TSHZ3: variants seen among roughly 807,000 people sequenced by gnomAD.
TSHZ3 encodes teashirt homolog 3.
TSHZ3 carries 10 observed loss-of-function variants against 64.5 expected under a neutral mutation model. The ratio of observed to expected loss-of-function variants is 0.16; its 90% CI spans 0.10 to 0.26. TSHZ3 has a LOEUF of 0.26. TSHZ3 is among the 10% of genes least tolerant of loss of function. TSHZ3 has a pLI of 1.00. For synonymous variants in TSHZ3, 608 were observed against 593.1 expected (o/e 1.03, Z -0.36); for missense variants, 1,242 against 1,421.7 (o/e 0.87, Z 2.03).
At chr19:31,205,014 G>A (rs912145837) in exon 5 of TSHZ3, 1 of 152,302 alleles carries the variant, frequency 6.6e-6, no homozygotes, top group Non-Finnish European at 1.5e-5. Flanking sequence ...ATGCTTTGAG[G>A]ATGGAACTTG....
upstream of TSHZ3, chr19:31,349,468 G>A: frequency 2.6e-6 from 1 of 381,140 alleles, no homozygotes; most frequent in Non-Finnish European, 4.6e-6. Flanking sequence ...GGGGAGGGAG[G>A]AGCACGGGGG....
At chr19:31,303,884 T>C (rs1489270026) in intron 1 of TSHZ3, among the ~76,000 whole-genome samples, 3 of 152,152 alleles carry the variant, frequency 2.0e-5, no homozygotes, top group Non-Finnish European at 4.4e-5. Context: ...ACATGGATCC[T>C]GACTAGGGCC....
intron 5 of TSHZ3, among the ~76,000 whole-genome samples, chr19:31,158,572 C>T (rs578003758): frequency 3.3e-5 from 5 of 152,094 alleles, no homozygotes; most frequent in Admixed American, 1.3e-4. Context: ...AAGGTTTCCA[C>T]GAGCCAGAGT....
intron 5 of TSHZ3, among the ~76,000 whole-genome samples, chr19:31,173,015 C>T (rs1442624542): frequency 6.6e-6 from 1 of 152,172 alleles, no homozygotes; most frequent in Non-Finnish European, 1.5e-5. Context: ...ACCATAAGGG[C>T]TCTAGCTCAT....
chr19:31,281,356 C>T (rs1976358624), intron 1 of TSHZ3, among the ~76,000 whole-genome samples: 1 of 152,172 alleles, frequency 6.6e-6, no homozygotes, highest in Admixed American at 6.5e-5. Flanking sequence ...CTTTGAGTGC[C>T]AAGATTCCTA....
chr19:31,334,152 A>G (rs1917174797), intron 1 of TSHZ3, among the ~76,000 whole-genome samples: 1 of 152,100 alleles, frequency 6.6e-6, no homozygotes. Flanking sequence ...CTCGGTAGGA[A>G]CCTCCGTCAC....
At chr19:31,280,611 A>G (rs566576275) in intron 1 of TSHZ3, among the ~76,000 whole-genome samples, 12 of 152,354 alleles carry the variant, frequency 7.9e-5, no homozygotes, top group African/African-American at 2.6e-4. Flanking sequence ...AAGACCTTCC[A>G]GTGGACCTTA....
In TSHZ3 at chr19:31,285,516, C is replaced by T. The variant is rs565334417; in HGVS notation, c.41-5764G>A. 5.4e-5 allele frequency among the ~76,000 whole-genome samples: 8 copies of T among 149,226 alleles called. No individual in the cohort carries two copies. The East Asian group carries it at 1.4e-3, about 26-fold the overall frequency. The stretch of plus-strand genomic sequence containing the variant: ...AGGAAAAGTAGGCCAGGCGTGGTGG[C>T]TTACACCTGTAATCCTAGCACTTTG... On this transcript the variant is annotated intron_variant, in intron 1 of 1. Coordinates refer to ENST00000240587, the MANE Select transcript of TSHZ3 (RefSeq NM_020856.4).
At chr19:31,288,929 T>C (rs940493386) in intron 1 of TSHZ3, among the ~76,000 whole-genome samples, 3 of 152,210 alleles carry the variant, frequency 2.0e-5, no homozygotes, top group Non-Finnish European at 4.4e-5. Flanking sequence ...TGCCCTGCCA[T>C]GGATTAGTCC....
At chr19:31,320,316 G>A (rs905546942) in intron 1 of TSHZ3, among the ~76,000 whole-genome samples, 8 of 152,154 alleles carry the variant, frequency 5.3e-5, no homozygotes, top group African/African-American at 1.7e-4. Flanking sequence ...GATCCTGGAC[G>A]TAGTCCTTTT....
At chr19:31,284,702 G>T (rs1286027765) in intron 1 of TSHZ3, among the ~76,000 whole-genome samples, 1 of 152,244 alleles carries the variant, frequency 6.6e-6, no homozygotes, top group East Asian at 1.9e-4. Context: ...TTTGACCCCA[G>T]CTTTTGTCCC....
chr19:31,242,698 AGGAGAGATAATCT>A (rs1400219755), intron 2 of TSHZ3, among the ~76,000 whole-genome samples: 1 of 151,794 alleles, frequency 6.6e-6, no homozygotes, highest in East Asian at 1.9e-4. Flanking sequence ...TCTGAGGTCT[AGGAGAGATAATCT>A]GGAACTCTGA....
chr19:31,163,955 GT>G (rs1974406172), intron 5 of TSHZ3, among the ~76,000 whole-genome samples: 1 of 152,192 alleles, frequency 6.6e-6, no homozygotes, highest in African/African-American at 2.4e-5. Flanking sequence ...GTAAGTGCGT[GT>G]TTATCATCCC....
chr19:31,324,367 C>T (rs1253641997), intron 1 of TSHZ3, among the ~76,000 whole-genome samples: 2 of 152,278 alleles, frequency 1.3e-5, no homozygotes, highest in Non-Finnish European at 2.9e-5. Flanking sequence ...TTACACCTCC[C>T]GCATATAAAC....
intron 5 of TSHZ3, among the ~76,000 whole-genome samples, chr19:31,182,380 T>A (rs988285734): frequency 6.6e-6 from 1 of 152,212 alleles, no homozygotes; most frequent in Non-Finnish European, 1.5e-5. Flanking sequence ...TCCTCCTAGC[T>A]GCGCCCAGCT....
intron 4 of TSHZ3, among the ~76,000 whole-genome samples, chr19:31,224,116 C>T (rs1201834025): frequency 6.6e-6 from 1 of 152,162 alleles, no homozygotes; most frequent in Non-Finnish European, 1.5e-5. Flanking sequence ...AGGAAACTGG[C>T]ACGGAGATAT....
intron 1 of TSHZ3, among the ~76,000 whole-genome samples, chr19:31,302,053 C>T (rs1017920042): frequency 2.0e-5 from 3 of 152,306 alleles, no homozygotes; most frequent in Admixed American, 6.5e-5. Context: ...ATTCCTTACA[C>T]TCAGAAACGC....
At chr19:31,294,093 A>C (rs1408304026) in intron 1 of TSHZ3, among the ~76,000 whole-genome samples, 1 of 152,208 alleles carries the variant, frequency 6.6e-6, no homozygotes, top group Non-Finnish European at 1.5e-5. Context: ...GACCACAAGG[A>C]AAACTTGGAG....
At chr19:31,159,723 C>T (rs995612968) in intron 5 of TSHZ3, among the ~76,000 whole-genome samples, 1 of 151,672 alleles carries the variant, frequency 6.6e-6, no homozygotes, top group African/African-American at 2.4e-5. Flanking sequence ...GATAGGTTCT[C>T]ATTCTGTCAC....
Sources: gnomAD v4.1 joint callset for allele counts (sites outside exome capture counted in the v4.1 genomes callset) on GRCh38, gnomAD v4.1.1 for gene constraint, MANE v1.5 for transcripts, NCBI Gene and HGNC (gene_info 2026-07-23, HGNC 2026-07-21) for gene names.